Variants in PIGU observed in about 807,000 individuals in gnomAD.
PIGU encodes the protein GPI-anchor transamidase component PIGU.
A neutral mutation model predicts 49.9 loss-of-function variants in PIGU; 24 were observed. The ratio of observed to expected loss-of-function variants is 0.48; its 90% CI spans 0.35 to 0.68. PIGU has a LOEUF of 0.68. PIGU is among the 30% of genes least tolerant of loss of function. The probability of loss-of-function intolerance (pLI) is 0.01; values close to 1 mark genes in which losing one functional copy is unlikely to be tolerated. For synonymous variants in PIGU, 220 were observed against 205.7 expected (o/e 1.07, Z -0.59); for missense variants, 490 against 532.6 (o/e 0.92, Z 0.79).
intron 7 of PIGU, among the ~76,000 whole-genome samples, chr20:34,613,974 T>C (rs1435365515): frequency 6.6e-6 from 1 of 152,160 alleles, no homozygotes; most frequent in Non-Finnish European, 1.5e-5. Context: ...TTGGGTCCAG[T>C]GATTTAGCTA....
chr20:34,668,953 T>C (rs1375482726), intron 1 of PIGU, among the ~76,000 whole-genome samples: 3 of 135,696 alleles, frequency 2.2e-5, no homozygotes, highest in African/African-American at 5.4e-5. Flanking sequence ...GGCATGATCA[T>C]AGCTCAATGC....
intron 11 of PIGU, among the ~76,000 whole-genome samples, chr20:34,567,111 C>T (rs1236180516): frequency 1.3e-5 from 2 of 152,208 alleles, no homozygotes; most frequent in African/African-American, 4.8e-5. Flanking sequence ...TGACAGTCAG[C>T]CCACGCTGGG....
intron 1 of PIGU, among the ~76,000 whole-genome samples, chr20:34,666,687 CTTTTTTT>C (rs918644106): frequency 0.064 from 5,797 of 90,200 alleles, 379 homozygotes; most frequent in African/African-American, 0.24. Flanking sequence ...CTGACTAATT[CTTTTTTT>C]TTTTTTTTTT....
At chr20:34,567,491 G>A (rs1369731826) in intron 11 of PIGU, among the ~76,000 whole-genome samples, 1 of 152,072 alleles carries the variant, frequency 6.6e-6, no homozygotes, top group African/African-American at 2.4e-5. Flanking sequence ...CCCAGTTTGA[G>A]GAAACTGAGG....
intron 6 of PIGU, among the ~76,000 whole-genome samples, chr20:34,625,297 G>A (rs547154516): frequency 2.0e-5 from 3 of 151,696 alleles, no homozygotes; most frequent in East Asian, 3.9e-4. Flanking sequence ...GAACCCGGGA[G>A]GCAGAGGTTG....
intron 1 of PIGU, among the ~76,000 whole-genome samples, chr20:34,668,867 CTTTTTTTTTTTTT>C (rs374136983): frequency 2.9e-4 from 13 of 44,690 alleles, no homozygotes; most frequent in East Asian, 7.5e-4. Flanking sequence ...AATGGTAAAA[CTTTTTTTTTTTTT>C]TTTTTTTTTT....
intron 7 of PIGU, among the ~76,000 whole-genome samples, chr20:34,599,113 C>T (rs146823730): frequency 2.6e-4 from 40 of 152,232 alleles, no homozygotes; most frequent in African/African-American, 9.6e-4. Context: ...CTAATGAGCG[C>T]CTACTTCTAA....
chr20:34,596,072 T>C (rs1320472178), intron 7 of PIGU, among the ~76,000 whole-genome samples: 1 of 152,200 alleles, frequency 6.6e-6, no homozygotes, highest in Admixed American at 6.5e-5. Flanking sequence ...TGGAGAAACC[T>C]GGCAGACACT....
At chr20:34,606,748 T>TTTTG (rs1022791003) in intron 7 of PIGU, among the ~76,000 whole-genome samples, 1 of 152,078 alleles carries the variant, frequency 6.6e-6, no homozygotes, top group African/African-American at 2.4e-5. Flanking sequence ...TTGTAAAGAT[T>TTTTG]TTTGTTTGTT....
chr20:34,676,820 T>A, intron 1 of PIGU, 136 bp downstream of exon 1: 23 of 317,520 alleles, frequency 7.2e-5, no homozygotes, highest in Non-Finnish European at 8.6e-5. Context: ...GGCCCCGCCC[T>A]CTCCAAGAAC....
At chr20:34,621,280 C>G (rs949927226) in intron 6 of PIGU, among the ~76,000 whole-genome samples, 1 of 152,028 alleles carries the variant, frequency 6.6e-6, no homozygotes, top group Non-Finnish European at 1.5e-5. Context: ...TTAAAGGAAA[C>G]CAATGTTCTT....
intron 1 of PIGU, among the ~76,000 whole-genome samples, chr20:34,668,461 C>CAAAAA (rs1209882512): frequency 2.3e-4 from 5 of 21,282 alleles, no homozygotes; most frequent in East Asian, 1.3e-3. Context: ...GACTCCGTCT[C>CAAAAA]AAAAAAAAAA....
At chr20:34,598,904 C>CAT (rs755764583) in intron 7 of PIGU, among the ~76,000 whole-genome samples, 11 of 152,162 alleles carry the variant, frequency 7.2e-5, no homozygotes, top group Non-Finnish European at 1.3e-4. Context: ...GTGACAGGAT[C>CAT]ATAGTTCACT....
At chr20:34,567,138 G>A (rs537870480) in intron 11 of PIGU, among the ~76,000 whole-genome samples, 15 of 152,358 alleles carry the variant, frequency 9.8e-5, no homozygotes, top group East Asian at 9.7e-4. Flanking sequence ...GCATGTGGCC[G>A]TCACAGTTGG....
At chr20:34,625,058 C>T (rs1403827138) in intron 6 of PIGU, among the ~76,000 whole-genome samples, 1 of 151,982 alleles carries the variant, frequency 6.6e-6, no homozygotes, top group Non-Finnish European at 1.5e-5. Context: ...ATTATGTACT[C>T]ACTGAAGAAA....
At chr20:34,598,070 A>G (rs563173644) in intron 7 of PIGU, among the ~76,000 whole-genome samples, 114 of 152,232 alleles carry the variant, frequency 7.5e-4, no homozygotes, top group African/African-American at 2.6e-3. Flanking sequence ...AAATAATAAC[A>G]AATTCAGGGT....
intron 11 of PIGU, among the ~76,000 whole-genome samples, chr20:34,569,764 A>C (rs1396243666): frequency 6.6e-6 from 1 of 152,188 alleles, no homozygotes; most frequent in Non-Finnish European, 1.5e-5. Flanking sequence ...ATTGGTCATA[A>C]AATGTGGTTT....
At chr20:34,592,012 T>G (rs1984009389) in intron 7 of PIGU, among the ~76,000 whole-genome samples, 1 of 151,790 alleles carries the variant, frequency 6.6e-6, no homozygotes, top group Non-Finnish European at 1.5e-5. Context: ...GTGGTGAAAC[T>G]CTGACTCAAC....
intron 5 of PIGU, 126 bp downstream of exon 5, chr20:34,637,750 A>T (rs1239554858): frequency 1.1e-5 from 17 of 1,526,686 alleles, no homozygotes; most frequent in Non-Finnish European, 1.4e-5. Context: ...GTGCAACAGA[A>T]CTACAGCAAA....
Sources: gnomAD v4.1 joint callset for allele counts (sites outside exome capture counted in the v4.1 genomes callset) on GRCh38, gnomAD v4.1.1 for gene constraint, MANE v1.5 for transcripts, NCBI Gene and HGNC (gene_info 2026-07-23, HGNC 2026-07-21) for gene names.